CTNNA1: variants seen among roughly 807,000 people sequenced by gnomAD.
CTNNA1 encodes catenin alpha 1, also known as catenin alpha-1.
A neutral mutation model predicts 98.4 loss-of-function variants in CTNNA1; 37 were observed. That is an observed-to-expected ratio of 0.38 (90% CI 0.29 to 0.49). CTNNA1 has a LOEUF of 0.49. Ranked by LOEUF, CTNNA1 falls within the 20% of genes least tolerant of loss-of-function variation. The pLI is 0.95. For synonymous variants in CTNNA1, 404 were observed against 413.2 expected, an observed-to-expected ratio of 0.98 and a Z score of 0.27; for missense variants, 761 against 1,147.2, an observed-to-expected ratio of 0.66 and a Z score of 4.86.
At chr5:138,923,957 T>C (rs932264525) in intron 11 of CTNNA1, among the ~76,000 whole-genome samples, 21 of 152,222 alleles carry the variant, frequency 1.4e-4, no homozygotes, top group African/African-American at 4.6e-4. Flanking sequence ...TGAAGAGGGT[T>C]ATTAAATAGT....
At chr5:138,885,813 G>C (rs1454730298) in intron 7 of CTNNA1, among the ~76,000 whole-genome samples, 1 of 152,146 alleles carries the variant, frequency 6.6e-6, no homozygotes, top group African/African-American at 2.4e-5. Context: ...ACATTCTTCA[G>C]ATCTCAGAGT....
intron 7 of CTNNA1, among the ~76,000 whole-genome samples, chr5:138,876,078 A>C (rs1238001584): frequency 6.6e-6 from 1 of 152,216 alleles, no homozygotes; most frequent in African/African-American, 2.4e-5. Context: ...AGGACAAGGC[A>C]GGTTGATACA....
chr5:138,878,400 G>C (rs1030383071), intron 7 of CTNNA1, among the ~76,000 whole-genome samples: 1 of 152,132 alleles, frequency 6.6e-6, no homozygotes, highest in Non-Finnish European at 1.5e-5. Flanking sequence ...ACTTTCTCTT[G>C]GTTTTGCTGT....
intron 13 of CTNNA1, chr5:138,925,632 G>T (rs112484733): frequency 7.4e-6 from 4 of 540,030 alleles, no homozygotes; most frequent in Non-Finnish European, 9.4e-6. Flanking sequence ...CTGAGTTGAC[G>T]ATTTAATTTA....
At chr5:138,841,921 C>G (rs1369811663) in intron 7 of CTNNA1, among the ~76,000 whole-genome samples, 1 of 152,262 alleles carries the variant, frequency 6.6e-6, no homozygotes, top group East Asian at 1.9e-4. Context: ...ACATATTAGC[C>G]TGAATTACTT....
At chr5:138,883,570 A>G (rs982934680) in intron 7 of CTNNA1, among the ~76,000 whole-genome samples, 2 of 152,236 alleles carry the variant, frequency 1.3e-5, no homozygotes, top group South Asian at 2.1e-4. Flanking sequence ...TTGGTTTTAC[A>G]TAACTTGAAC....
intron 1 of CTNNA1, among the ~76,000 whole-genome samples, chr5:138,774,275 G>A (rs1753850277): frequency 6.6e-6 from 1 of 151,858 alleles, no homozygotes; most frequent in Non-Finnish European, 1.5e-5. Context: ...TTTTCCCATC[G>A]TGGCCTCCCA....
intron 13 of CTNNA1, among the ~76,000 whole-genome samples, chr5:138,928,155 C>T (rs1764528320): frequency 6.6e-6 from 1 of 152,230 alleles, no homozygotes; most frequent in African/African-American, 2.4e-5. Flanking sequence ...GCCTCACTGC[C>T]CTCCTGTCAC....
intron 5 of CTNNA1, among the ~76,000 whole-genome samples, chr5:138,823,288 A>T (rs1331989589): frequency 6.6e-6 from 1 of 152,188 alleles, no homozygotes; most frequent in Non-Finnish European, 1.5e-5. Flanking sequence ...ATATCTACTC[A>T]GCCTACCAAG....
rs568630126 is a variant in CTNNA1 at position 138,871,192 on chromosome 5, A to C, written c.1063-15020A>C. 9 of 152,322 alleles carry C rather than the reference A, an allele frequency of 5.9e-5. No homozygotes were observed. The East Asian group carries it at 1.3e-3, about 23-fold the overall frequency. 9.4% of individuals were successfully genotyped at this position (152,322 alleles called of 1,614,324 possible). A position where few individuals can be genotyped will look rare whatever the true frequency, so the allele number is the denominator to read the frequency against. ...AGAAAAAATATGCCCTGAATGAAGG[A>C]TATCATGTTGATGTTGATGTTGGGG... On this transcript the variant is annotated intron_variant, in intron 7 of 17. Transcript: ENST00000302763.
At chr5:138,913,478 G>A (rs1761089038) in intron 10 of CTNNA1, among the ~76,000 whole-genome samples, 1 of 151,948 alleles carries the variant, frequency 6.6e-6, no homozygotes, top group Non-Finnish European at 1.5e-5. Context: ...CAGCTACTCA[G>A]GAGGCTGAAG....
intron 7 of CTNNA1, among the ~76,000 whole-genome samples, chr5:138,843,481 C>G (rs556002652): frequency 1.1e-4 from 17 of 152,294 alleles, no homozygotes; most frequent in Admixed American, 9.1e-4. Flanking sequence ...CCCACTCAGT[C>G]CTCTTCTCAC....
intron 10 of CTNNA1, among the ~76,000 whole-genome samples, chr5:138,914,837 A>C (rs1761384068): frequency 6.6e-6 from 1 of 152,018 alleles, no homozygotes; most frequent in Admixed American, 6.6e-5. Context: ...CTTCCTTCCC[A>C]AGTTGCATGA....
intron 7 of CTNNA1, among the ~76,000 whole-genome samples, chr5:138,858,594 C>CTTTTTTTTTTTTTTTTTTTTTT (rs147487025): frequency 1.6e-5 from 2 of 124,050 alleles, no homozygotes; most frequent in Non-Finnish European, 1.7e-5. Context: ...TTTTCTTTTT[C>CTTTTTTTTTTTTTTTTTTTTTT]TTTTTTTTTT....
At chr5:138,820,027 A>ACCCC (rs1244235681) in intron 5 of CTNNA1, among the ~76,000 whole-genome samples, 1 of 69,564 alleles carries the variant, frequency 1.4e-5, no homozygotes, top group Non-Finnish European at 3.0e-5. Flanking sequence ...TGAACCACCC[A>ACCCC]CCCCCCGCCC....
intron 6 of CTNNA1, among the ~76,000 whole-genome samples, chr5:138,826,483 C>T (rs1007621665): frequency 1.3e-5 from 2 of 152,104 alleles, no homozygotes; most frequent in Non-Finnish European, 2.9e-5. Context: ...TGTGACCAGA[C>T]CTCACTAAAT....
At chr5:138,818,147 T>C (rs1029161118) in intron 5 of CTNNA1, among the ~76,000 whole-genome samples, 19 of 150,826 alleles carry the variant, frequency 1.3e-4, no homozygotes, top group Admixed American at 5.9e-4. Context: ...TTTTTTTTTT[T>C]CAGACAGGGT....
At chr5:138,872,562 A>G (rs1415925336) in intron 7 of CTNNA1, 3 of 153,224 alleles carry the variant, frequency 2.0e-5, no homozygotes, top group Non-Finnish European at 4.4e-5. Flanking sequence ...TTATCATACA[A>G]GAGAACTTTA....
At chr5:138,852,207 G>A (rs1763253093) in intron 7 of CTNNA1, among the ~76,000 whole-genome samples, 1 of 152,164 alleles carries the variant, frequency 6.6e-6, no homozygotes, top group African/African-American at 2.4e-5. Flanking sequence ...GAGTAATAGG[G>A]GTATGGAATA....
Sources: allele counts gnomAD v4.1 joint callset (sites outside exome capture counted in the v4.1 genomes callset), GRCh38; gene constraint gnomAD v4.1.1; transcripts MANE v1.5; gene names NCBI Gene and HGNC (gene_info 2026-07-23, HGNC 2026-07-21).